SDK1: variants seen among roughly 807,000 people sequenced by gnomAD.
The protein encoded by SDK1 is sidekick cell adhesion molecule 1.
SDK1 carries 157 observed loss-of-function variants against 245.5 expected under a neutral mutation model. The observed-to-expected ratio is 0.64, with a 90% CI of 0.56 to 0.73. SDK1 has a LOEUF of 0.73. Among genes scored for constraint, SDK1 ranks in the 30% least tolerant of loss-of-function variants. The pLI, the probability that SDK1 is intolerant of heterozygous loss-of-function variation, is 0.00. For missense variants in SDK1, 3,583 were observed against 3,002.3 expected (o/e 1.19, Z -4.52); for synonymous variants, 1,647 against 1,278.5 (o/e 1.29, Z -6.15).
chr7:3,785,537 A>C (rs763750243), intron 4 of SDK1, among the ~76,000 whole-genome samples: 1 of 152,236 alleles, frequency 6.6e-6, no homozygotes, highest in Non-Finnish European at 1.5e-5. Context: ...ACTGCTTAGG[A>C]CATGTGAAAA....
At chr7:3,908,121 A>T (rs1779021396) in intron 5 of SDK1, among the ~76,000 whole-genome samples, 1 of 152,220 alleles carries the variant, frequency 6.6e-6, no homozygotes, top group South Asian at 2.1e-4. Context: ...GGCTTCTGTG[A>T]TACACACAGA....
At position 3,865,242 on chromosome 7, in the gene SDK1, G is replaced by C. The variant is rs146603252; in HGVS notation, c.847+43659G>C. 1.6e-4 allele frequency among the ~76,000 whole-genome samples: 24 copies of C among 152,350 alleles called. 1 individual carries two copies. The highest frequency in any genetic ancestry group is 3.9e-4 in the Admixed American group (6 of 15,312). ...GGGCTGGAGGTTGTGGAAGCAGGGA[G>C]TGTGGGAGGCCTGGTGATCCTCCTG... On this transcript the variant is annotated intron_variant, in intron 5 of 44. Coordinates refer to ENST00000404826, the MANE Select transcript of SDK1 (RefSeq NM_152744.4).
At chr7:3,371,022 C>A (rs768528128) in intron 1 of SDK1, among the ~76,000 whole-genome samples, 1 of 152,126 alleles carries the variant, frequency 6.6e-6, no homozygotes, top group Non-Finnish European at 1.5e-5. Flanking sequence ...CACTTAAAAG[C>A]TTTTTGAAAC....
chr7:4,005,900 A>G (rs6978645), intron 14 of SDK1, among the ~76,000 whole-genome samples: 45,314 of 151,810 alleles, frequency 0.3, 7,364 homozygotes, highest in African/African-American at 0.42. Context: ...GCACGGTGGC[A>G]CACACCTGTG....
At chr7:4,149,027 A>G (rs1245478040) in intron 29 of SDK1, among the ~76,000 whole-genome samples, 3 of 151,838 alleles carry the variant, frequency 2.0e-5, no homozygotes, top group Admixed American at 6.6e-5. Flanking sequence ...CTGCACTCCA[A>G]CCTGGTGACA....
At chr7:3,447,603 A>G (rs1399082321) in intron 1 of SDK1, among the ~76,000 whole-genome samples, 1 of 150,360 alleles carries the variant, frequency 6.7e-6, no homozygotes, top group Non-Finnish European at 1.5e-5. Flanking sequence ...TAATTCAGTT[A>G]TTGCATATTG....
intron 1 of SDK1, among the ~76,000 whole-genome samples, chr7:3,580,968 C>CAAAAAAA (rs60617574): frequency 1.6e-4 from 4 of 24,886 alleles, no homozygotes; most frequent in South Asian, 2.1e-3. Flanking sequence ...GACTCCATCT[C>CAAAAAAA]AAAAAAAAAA....
chr7:3,536,019 T>C (rs971806504), intron 1 of SDK1, among the ~76,000 whole-genome samples: 2 of 152,032 alleles, frequency 1.3e-5, no homozygotes, highest in African/African-American at 4.8e-5. Context: ...TTTTTTAAAA[T>C]CTAATTCCCC....
At chr7:4,033,561 C>G (rs542686834) in intron 17 of SDK1, among the ~76,000 whole-genome samples, 8 of 152,200 alleles carry the variant, frequency 5.3e-5, no homozygotes, top group Middle Eastern at 3.4e-3. Flanking sequence ...GAAATCTTTG[C>G]AGTTTATATC....
chr7:3,874,073 T>C (rs1781017899), intron 5 of SDK1, among the ~76,000 whole-genome samples: 1 of 152,206 alleles, frequency 6.6e-6, no homozygotes, highest in Non-Finnish European at 1.5e-5. Context: ...GAGGTCAATA[T>C]TTTGTGTGGT....
intron 1 of SDK1, among the ~76,000 whole-genome samples, chr7:3,611,886 A>G (rs1444027234): frequency 1.3e-5 from 2 of 152,142 alleles, no homozygotes; most frequent in African/African-American, 4.8e-5. Flanking sequence ...TGAGAATGTA[A>G]ATTAGTACGA....
At chr7:3,794,705 C>G (rs1020814231) in intron 4 of SDK1, among the ~76,000 whole-genome samples, 14 of 152,134 alleles carry the variant, frequency 9.2e-5, no homozygotes, top group Non-Finnish European at 1.8e-4. Flanking sequence ...TTGGACTTCT[C>G]AGACCCCGTA....
chr7:3,930,228 G>A (rs1245158926), intron 5 of SDK1, among the ~76,000 whole-genome samples: 2 of 152,110 alleles, frequency 1.3e-5, no homozygotes, highest in Non-Finnish European at 2.9e-5. Flanking sequence ...CCACTTTCAG[G>A]AACAAGGAGC....
intron 1 of SDK1, 65 bp from the exon 2 acceptor site, chr7:3,619,015 A>C: frequency 7.9e-7 from 1 of 1,269,492 alleles, no homozygotes. Flanking sequence ...AGATTTATTA[A>C]ATTAGATGAG....
intron 2 of SDK1, among the ~76,000 whole-genome samples, chr7:3,626,767 A>G (rs551815722): frequency 4.6e-5 from 7 of 152,326 alleles, no homozygotes; most frequent in African/African-American, 1.4e-4. Flanking sequence ...CAAAGTGAGT[A>G]GGATGAATTA....
chr7:3,364,907 G>A (rs1781049663), intron 1 of SDK1, among the ~76,000 whole-genome samples: 1 of 152,122 alleles, frequency 6.6e-6, no homozygotes, highest in Admixed American at 6.5e-5. Context: ...AACATGGTAT[G>A]TCTCACCATT....
chr7:3,439,843 T>G (rs1780143808), intron 1 of SDK1, among the ~76,000 whole-genome samples: 1 of 152,202 alleles, frequency 6.6e-6, no homozygotes, highest in East Asian at 1.9e-4. Flanking sequence ...CCTCCTTGCT[T>G]ACTAGAGGGC....
At chr7:3,761,094 T>C (rs1349277004) in intron 4 of SDK1, among the ~76,000 whole-genome samples, 1 of 152,192 alleles carries the variant, frequency 6.6e-6, no homozygotes, top group Non-Finnish European at 1.5e-5. Context: ...TGTGTAATTT[T>C]TATGTAAAGA....
intron 1 of SDK1, among the ~76,000 whole-genome samples, chr7:3,529,465 C>G (rs762300286): frequency 1.3e-5 from 2 of 152,180 alleles, no homozygotes; most frequent in Non-Finnish European, 2.9e-5. Context: ...AAGGGACTCT[C>G]ACTGGCCAAA....
Sources: allele counts gnomAD v4.1 joint callset (sites outside exome capture counted in the v4.1 genomes callset), GRCh38; gene constraint gnomAD v4.1.1; transcripts MANE v1.5; gene names NCBI Gene and HGNC (gene_info 2026-07-23, HGNC 2026-07-21).